The following CSMD1 variants were observed in gnomAD, a reference collection of about 807,000 sequenced individuals.
CSMD1 encodes CUB and sushi domain-containing protein 1.
In CSMD1, 213 loss-of-function variants were observed where a neutral mutation model predicts 417.5. That is an observed-to-expected ratio of 0.51 (90% CI 0.46 to 0.57). The LOEUF (loss-of-function observed/expected upper bound fraction) is 0.57, where lower values mean the gene tolerates loss of function less well. Ranked by LOEUF, CSMD1 falls within the 20% of genes least tolerant of loss-of-function variation. CSMD1 has a pLI of 0.00. For synonymous variants in CSMD1, 2,862 were observed against 1,736.8 expected, an observed-to-expected ratio of 1.65 and a Z score of -16.11; for missense variants, 6,923 against 4,529.7, an observed-to-expected ratio of 1.53 and a Z score of -15.17.
intron 3 of CSMD1, among the ~76,000 whole-genome samples, chr8:4,201,411 G>A (rs1395635659): frequency 3.3e-5 from 5 of 151,732 alleles, no homozygotes; most frequent in Non-Finnish European, 5.9e-5. Context: ...GGCGCTGGGC[G>A]CCTGTAGTCC....
At chr8:4,310,266 C>G (rs1444087815) in intron 3 of CSMD1, among the ~76,000 whole-genome samples, 2 of 152,110 alleles carry the variant, frequency 1.3e-5, no homozygotes, top group Admixed American at 6.6e-5. Flanking sequence ...GAAGTTAGAA[C>G]TGTTATCATG....
intron 7 of CSMD1, among the ~76,000 whole-genome samples, chr8:3,630,307 G>C (rs1030664408): frequency 6.6e-6 from 1 of 152,124 alleles, no homozygotes; most frequent in East Asian, 1.9e-4. Context: ...AGATGGGCAG[G>C]AATTACCTAA....
intron 1 of CSMD1, among the ~76,000 whole-genome samples, chr8:4,740,879 G>A (rs1350275035): frequency 2.0e-5 from 3 of 152,144 alleles, no homozygotes; most frequent in Non-Finnish European, 4.4e-5. Context: ...GAGACATCAT[G>A]CTCCTTTTTT....
chr8:4,197,709 T>A (rs959338584), intron 3 of CSMD1, among the ~76,000 whole-genome samples: 3 of 152,150 alleles, frequency 2.0e-5, no homozygotes, highest in Admixed American at 6.5e-5. Context: ...TGAAGCTCTG[T>A]CTCTACTAAA....
chr8:4,745,905 A>C (rs1810919895), intron 1 of CSMD1, among the ~76,000 whole-genome samples: 1 of 152,210 alleles, frequency 6.6e-6, no homozygotes, highest in Admixed American at 6.5e-5. Context: ...ACTTCCGTGC[A>C]ATCAAGTCAG....
chr8:4,692,564 G>C (rs904864876), intron 1 of CSMD1, among the ~76,000 whole-genome samples: 1 of 152,152 alleles, frequency 6.6e-6, no homozygotes, highest in African/African-American at 2.4e-5. Context: ...GGGCCGGGAA[G>C]ACTGTGAGCC....
At chr8:3,022,844 T>A (rs1214082515) in intron 51 of CSMD1, among the ~76,000 whole-genome samples, 4 of 151,926 alleles carry the variant, frequency 2.6e-5, no homozygotes, top group African/African-American at 9.7e-5. Flanking sequence ...TAGATCAGAG[T>A]CAGGAATTGT....
chr8:4,904,620 G>A (rs1805116472), intron 1 of CSMD1, among the ~76,000 whole-genome samples: 2 of 152,196 alleles, frequency 1.3e-5, no homozygotes, highest in African/African-American at 2.4e-5. Context: ...GAGCCAGGGA[G>A]CGCCCAACCA....
At chr8:3,348,280 T>G in intron 21 of CSMD1, 119 bp from the exon 22 acceptor site, 1 of 692,758 alleles carries the variant, frequency 1.4e-6, no homozygotes, top group Non-Finnish European at 2.3e-6. Context: ...GTGTTAGTAA[T>G]ATATTATTTC....
At chr8:4,474,051 C>T (rs985423827) in intron 2 of CSMD1, among the ~76,000 whole-genome samples, 13 of 151,958 alleles carry the variant, frequency 8.6e-5, no homozygotes, top group African/African-American at 2.9e-4. Context: ...GAAATAAAAG[C>T]AAATATATGC....
At chr8:4,301,707 G>A (rs555490059) in intron 3 of CSMD1, among the ~76,000 whole-genome samples, 4 of 152,178 alleles carry the variant, frequency 2.6e-5, no homozygotes, top group Non-Finnish European at 5.9e-5. Flanking sequence ...CTTGCAAATT[G>A]ATGTGCATAG....
At chr8:3,104,742 G>A (rs1418176933) in intron 46 of CSMD1, among the ~76,000 whole-genome samples, 2 of 133,844 alleles carry the variant, frequency 1.5e-5, no homozygotes, top group African/African-American at 5.7e-5. Context: ...GAGTTTTGCT[G>A]TGTCTCCCAG....
chr8:3,097,724 G>C (rs970489991), intron 46 of CSMD1, among the ~76,000 whole-genome samples: 5 of 152,116 alleles, frequency 3.3e-5, no homozygotes, highest in Non-Finnish European at 7.3e-5. Context: ...CTTGATCACA[G>C]GTAACTGAAA....
At chr8:3,010,006 A>G (rs188391213) in intron 52 of CSMD1, among the ~76,000 whole-genome samples, 274 of 152,092 alleles carry the variant, frequency 1.8e-3, no homozygotes, top group African/African-American at 6.4e-3. Context: ...AATATACCCC[A>G]TTTCCACCTT....
intron 1 of CSMD1, among the ~76,000 whole-genome samples, chr8:4,666,512 C>A (rs139971672): frequency 6.6e-6 from 1 of 152,102 alleles, no homozygotes; most frequent in Non-Finnish European, 1.5e-5. Flanking sequence ...CCCTCCAGAA[C>A]GGAACAGAAT....
At chr8:3,987,000 C>G (rs778113502) in intron 5 of CSMD1, among the ~76,000 whole-genome samples, 1 of 152,170 alleles carries the variant, frequency 6.6e-6, no homozygotes, top group Admixed American at 6.5e-5. Context: ...AATAATCCAC[C>G]TGCCTCAGCC....
At chr8:3,049,351 A>G (rs1415322407) in intron 50 of CSMD1, among the ~76,000 whole-genome samples, 2 of 152,142 alleles carry the variant, frequency 1.3e-5, no homozygotes, top group Non-Finnish European at 2.9e-5. Flanking sequence ...CTGTACGTAA[A>G]CGGGTAAATA....
chr8:3,569,270 C>A (rs1478259436), intron 10 of CSMD1, among the ~76,000 whole-genome samples: 1 of 152,086 alleles, frequency 6.6e-6, no homozygotes, highest in African/African-American at 2.4e-5. Flanking sequence ...CATGATATAG[C>A]ATGATAACAT....
intron 1 of CSMD1, among the ~76,000 whole-genome samples, chr8:4,886,435 T>C (rs989906768): frequency 3.9e-5 from 6 of 152,092 alleles, no homozygotes; most frequent in African/African-American, 4.8e-5. Flanking sequence ...TGCATCTATA[T>C]TCATAAAAGA....
Sources: allele counts gnomAD v4.1 joint callset (sites outside exome capture counted in the v4.1 genomes callset), GRCh38; gene constraint gnomAD v4.1.1; transcripts MANE v1.5; gene names NCBI Gene and HGNC (gene_info 2026-07-23, HGNC 2026-07-21).